IGSF6: variants seen among roughly 807,000 people sequenced by gnomAD.
The protein encoded by IGSF6 is down-regulated by activation (immunoglobulin superfamily).
A neutral mutation model predicts 24.7 loss-of-function variants in IGSF6; 23 were observed. The ratio of observed to expected loss-of-function variants is 0.93; its 90% CI spans 0.67 to 1.32. The LOEUF (loss-of-function observed/expected upper bound fraction) is 1.32. Ranked by LOEUF, IGSF6 falls within the 40% of genes most tolerant of loss-of-function variation. The probability of loss-of-function intolerance (pLI) is 0.00; values close to 1 mark genes in which losing one functional copy is unlikely to be tolerated. For synonymous variants in IGSF6, 110 were observed against 113.7 expected, an observed-to-expected ratio of 0.97 and a Z score of 0.21; for missense variants, 295 against 293.6, an observed-to-expected ratio of 1.00 and a Z score of -0.04.
intron 2 of IGSF6, among the ~76,000 whole-genome samples, chr16:21,646,004 C>T (rs763692861): frequency 6.6e-6 from 1 of 152,152 alleles, no homozygotes; most frequent in Non-Finnish European, 1.5e-5. Context: ...ATTTTGAAAT[C>T]GAAGGGCTGG....
At chr16:21,646,999 A>C in intron 2 of IGSF6, 134 bp downstream of exon 2, 1 of 1,195,334 alleles carries the variant, frequency 8.4e-7, no homozygotes, top group Non-Finnish European at 1.2e-6. Context: ...ACTTGTGTTC[A>C]GATCACACCC....
chr16:21,647,107 A>C (rs1254219054), intron 2 of IGSF6, 26 bp downstream of exon 2: 2 of 1,614,038 alleles, frequency 1.2e-6, no homozygotes, highest in Admixed American at 3.3e-5. Context: ...GCAATGATGC[A>C]CTGAAATAAA....
chr16:21,644,533 G>C (rs529785606), intron 2 of IGSF6, 137 bp from the exon 3 acceptor site: 1 of 610,930 alleles, frequency 1.6e-6, no homozygotes, highest in South Asian at 2.0e-5. Context: ...ATAAAAACTA[G>C]ACCTCAAAAG....
intron 4 of IGSF6, 124 bp from the exon 5 acceptor site, chr16:21,643,278 A>T (rs1164283107): frequency 1.4e-6 from 1 of 711,280 alleles, no homozygotes. Context: ...CCCCCAACAC[A>T]TATGTGCCTA....
In IGSF6 at chr16:21,647,204, C is replaced by A. The variant is rs1966452762; in HGVS notation, c.356G>T (p.Gly119Val). 2 of 1,614,142 alleles carry A rather than the reference C, an allele frequency of 1.2e-6. No homozygotes were observed. The stretch of plus-strand genomic sequence containing the variant: ...TTCCGGCACACTGGGGAATGCTATT[C>A]CACAGATGTAAATTGCACTGTCATT... Reference protein sequence around the residue: ...TSNDSAIYICGIAFPSVPEAR... With the variant: ...TSNDSAIYICVIAFPSVPEAR... Residue 119 changes from glycine (G) to valine (V), a missense_variant, in exon 2 of 6, where the codon GGA (glycine) becomes GTA (valine). Gly to Val is a moderately radical substitution (Grantham distance 109). Coordinates refer to ENST00000268389, the MANE Select transcript of IGSF6 (RefSeq NM_005849.4).
rs537065285 is a variant in IGSF6, at chr16:21,644,110, A to G, written c.534+180T>C. ...CCTGGCTAATAATTTCAGTGATGAG[A>G]ATGTATGATGCCTTCTTCCAAAGAC... On this transcript the variant is annotated intron_variant, in intron 3 of 5. Coordinates refer to ENST00000268389, the MANE Select transcript of IGSF6 (RefSeq NM_005849.4). 3.3e-5 allele frequency among the ~76,000 whole-genome samples: 5 copies of G among 152,282 alleles called. No homozygotes were observed. In the South Asian group the frequency reaches 6.2e-4, roughly 19 times the overall value.
intron 3 of IGSF6, 87 bp from the exon 4 acceptor site, chr16:21,643,685 C>G: frequency 1.2e-6 from 1 of 829,596 alleles, no homozygotes; most frequent in Non-Finnish European, 2.0e-6. Flanking sequence ...TAAGATTAAA[C>G]TAACTTAATA....
At chr16:21,651,717 C>G (rs767775796) in intron 1 of IGSF6, among the ~76,000 whole-genome samples, 5 of 152,166 alleles carry the variant, frequency 3.3e-5, no homozygotes, top group African/African-American at 1.2e-4. Context: ...CTCCTCCCAC[C>G]TACTCCCTCA....
Position 21,641,530 on chromosome 16 carries a change from G to A in IGSF6, c.*4C>T. On this transcript the variant is annotated 3_prime_UTR_variant, in exon 6 of 6. Transcript: ENST00000268389. ...CAGTGACTTCATTGAAAATTAAAAC[G>A]TTTCTATGGCCTTTCATAGTTGGAA... 3.2e-6 allele frequency: 5 copies of A among 1,564,368 alleles called. No homozygotes were observed. Among genetic ancestry groups the A allele is most frequent in the Non-Finnish European group, 4.4e-6 (5 of 1,141,902 alleles).
At chr16:21,652,506 AAGG>A (rs1567350266) in intron 1 of IGSF6, 23 bp downstream of exon 1, 1 of 1,571,666 alleles carries the variant, frequency 6.4e-7, no homozygotes, top group African/African-American at 1.4e-5. Context: ...AAATAAAATG[AAGG>A]AGGAGAAGAA....
chr16:21,649,483 C>T (rs994257278), intron 1 of IGSF6, among the ~76,000 whole-genome samples: 1 of 152,108 alleles, frequency 6.6e-6, no homozygotes, highest in African/African-American at 2.4e-5. Context: ...TGGATTCCCT[C>T]TCAAGTCTGA....
At chr16:21,645,822 TA>T (rs1329959656) in intron 2 of IGSF6, among the ~76,000 whole-genome samples, 1 of 152,246 alleles carries the variant, frequency 6.6e-6, no homozygotes, top group East Asian at 1.9e-4. Flanking sequence ...TTATTTGCTA[TA>T]TGCCAGGCAC....
intron 3 of IGSF6, 43 bp from the exon 4 acceptor site, chr16:21,643,641 T>G: frequency 7.5e-7 from 1 of 1,335,784 alleles, no homozygotes; most frequent in African/African-American, 1.5e-5. Context: ...TTTTATGTAC[T>G]CATAACAATG....
intron 5 of IGSF6, among the ~76,000 whole-genome samples, chr16:21,641,804 A>G (rs1179945968): frequency 1.3e-5 from 2 of 151,920 alleles, no homozygotes; most frequent in Non-Finnish European, 2.9e-5. Flanking sequence ...TTTGGATGCT[A>G]CTGTCAAAAT....
At chr16:21,651,387 T>A (rs2141625535) in intron 1 of IGSF6, among the ~76,000 whole-genome samples, 1 of 152,226 alleles carries the variant, frequency 6.6e-6, no homozygotes, top group East Asian at 1.9e-4. Flanking sequence ...CTGAAAGTCC[T>A]GGGCTCAAGT....
chr16:21,652,228 G>T (rs1966595279), intron 1 of IGSF6: 1 of 232,012 alleles, frequency 4.3e-6, no homozygotes, highest in Non-Finnish European at 8.2e-6. Flanking sequence ...GATCAAGTTT[G>T]TATGATAATT....
intron 1 of IGSF6, among the ~76,000 whole-genome samples, chr16:21,648,449 C>T (rs1043396197): frequency 2.6e-5 from 4 of 152,128 alleles, no homozygotes; most frequent in South Asian, 2.1e-4. Context: ...CTGCTGCAGC[C>T]GCCACTGCTA....
intron 2 of IGSF6, chr16:21,646,397 A>G (rs1966430723): frequency 6.6e-6 from 1 of 152,186 alleles, no homozygotes; most frequent in Non-Finnish European, 1.5e-5. Flanking sequence ...TCCATGTTGC[A>G]TAGTTTCTGT....
At chr16:21,650,939 T>C (rs895443417) in intron 1 of IGSF6, among the ~76,000 whole-genome samples, 1 of 152,134 alleles carries the variant, frequency 6.6e-6, no homozygotes, top group African/African-American at 2.4e-5. Context: ...AAAACCATAT[T>C]GAGGCTGGGC....
Sources: gnomAD v4.1 joint callset for allele counts (sites outside exome capture counted in the v4.1 genomes callset) on GRCh38, gnomAD v4.1.1 for gene constraint, MANE v1.5 for transcripts, NCBI Gene and HGNC (gene_info 2026-07-23, HGNC 2026-07-21) for gene names.